Variants in FTO observed in about 807,000 individuals in gnomAD.
FTO encodes FTO alpha-ketoglutarate dependent dioxygenase, also known as alpha-ketoglutarate-dependent dioxygenase FTO.
Under a neutral mutation model 63.9 loss-of-function variants are expected in FTO, and 47 were observed. That is an observed-to-expected ratio of 0.74 (90% CI 0.58 to 0.94). FTO has a LOEUF of 0.94. FTO is among the 40% of genes least tolerant of loss of function. FTO has a pLI of 0.00. For missense variants in FTO, 562 were observed against 618.1 expected, an observed-to-expected ratio of 0.91 and a Z score of 0.96; for synonymous variants, 207 against 224.4, an observed-to-expected ratio of 0.92 and a Z score of 0.69.
chr16:53,916,649 A>G (rs1286475712), intron 7 of FTO, among the ~76,000 whole-genome samples: 1 of 152,218 alleles, frequency 6.6e-6, no homozygotes, highest in Admixed American at 6.5e-5. Flanking sequence ...CACTAAATGT[A>G]TACACAGAGC....
chr16:53,989,001 G>GCATGGTGCT (rs2083737166), intron 8 of FTO, among the ~76,000 whole-genome samples: 1 of 152,202 alleles, frequency 6.6e-6, no homozygotes, highest in Non-Finnish European at 1.5e-5. Context: ...AAGAAATGAG[G>GCATGGTGCT]CATGGTGCTC....
At chr16:53,949,003 A>G (rs1226041066) in intron 8 of FTO, among the ~76,000 whole-genome samples, 1 of 152,152 alleles carries the variant, frequency 6.6e-6, no homozygotes, top group African/African-American at 2.4e-5. Context: ...GCACTATTTC[A>G]TCTTTCCTTT....
chr16:53,706,691 GC>G (rs1372013693), intron 1 of FTO, among the ~76,000 whole-genome samples: 2 of 152,160 alleles, frequency 1.3e-5, no homozygotes, highest in Non-Finnish European at 2.9e-5. Flanking sequence ...GAGCCACTGT[GC>G]CTGGCCAGCA....
At chr16:53,922,369 G>T (rs1306851671) in intron 7 of FTO, among the ~76,000 whole-genome samples, 1 of 152,148 alleles carries the variant, frequency 6.6e-6, no homozygotes, top group African/African-American at 2.4e-5. Context: ...TTTAGCAGTG[G>T]AGCAATTATA....
chr16:53,724,037 G>A (rs1028765904), intron 1 of FTO, among the ~76,000 whole-genome samples: 2 of 152,232 alleles, frequency 1.3e-5, no homozygotes, highest in Admixed American at 1.3e-4. Flanking sequence ...TATATGGAAA[G>A]ATAGAACCAG....
At chr16:53,803,551 A>T (rs111354743) in intron 1 of FTO, among the ~76,000 whole-genome samples, 2,741 of 152,282 alleles carry the variant, frequency 0.018, 81 homozygotes, top group African/African-American at 0.062. Flanking sequence ...AAAAACTTTT[A>T]AAAAAATGTT....
chr16:53,748,504 G>C (rs2076700369), intron 1 of FTO, among the ~76,000 whole-genome samples: 1 of 151,982 alleles, frequency 6.6e-6, no homozygotes, highest in Non-Finnish European at 1.5e-5. Flanking sequence ...ACCCAGGCAG[G>C]AGTGCAGTGA....
intron 3 of FTO, among the ~76,000 whole-genome samples, chr16:53,839,826 G>A (rs2079420786): frequency 7.2e-6 from 1 of 139,208 alleles, no homozygotes; most frequent in Admixed American, 7.3e-5. Flanking sequence ...TTTATTTTAA[G>A]GTGCAGTGTC....
Sources: allele counts gnomAD v4.1 joint callset (sites outside exome capture counted in the v4.1 genomes callset), GRCh38; gene constraint gnomAD v4.1.1; transcripts MANE v1.5; gene names NCBI Gene and HGNC (gene_info 2026-07-23, HGNC 2026-07-21).